EDIL3: variants seen among roughly 807,000 people sequenced by gnomAD.
EDIL3 encodes the protein EGF-like repeat and discoidin I-like domain-containing protein 3.
In EDIL3, 37 loss-of-function variants were observed where a neutral mutation model predicts 67.4. The ratio of observed to expected loss-of-function variants is 0.55; its 90% CI spans 0.42 to 0.72. The LOEUF (loss-of-function observed/expected upper bound fraction) is 0.72. Among genes scored for constraint, EDIL3 ranks in the 30% least tolerant of loss-of-function variants. The pLI, the probability that EDIL3 is intolerant of heterozygous loss-of-function variation, is 0.00. For missense variants in EDIL3, 527 were observed against 586.3 expected, an observed-to-expected ratio of 0.90 and a Z score of 1.04; for synonymous variants, 195 against 196.3, an observed-to-expected ratio of 0.99 and a Z score of 0.05.
intron 3 of EDIL3, among the ~76,000 whole-genome samples, chr5:84,206,210 T>C (rs1407510152): frequency 6.6e-6 from 1 of 152,178 alleles, no homozygotes; most frequent in Admixed American, 6.6e-5. Context: ...AGTTTCCATG[T>C]AGTTGAGTGG....
intron 1 of EDIL3, among the ~76,000 whole-genome samples, chr5:84,275,989 T>C (rs571983014): frequency 6.6e-6 from 1 of 152,354 alleles, no homozygotes; most frequent in South Asian, 2.1e-4. Flanking sequence ...GGAGATTTTC[T>C]AGTTTACATT....
intron 6 of EDIL3, 129 bp downstream of exon 6, chr5:84,106,520 C>T (rs1219414211): frequency 1.2e-5 from 14 of 1,144,782 alleles, no homozygotes; most frequent in Non-Finnish European, 1.6e-5. Context: ...TTGAACTCTT[C>T]ACTAAATTAC....
At chr5:84,179,472 G>A (rs1748977967) in intron 4 of EDIL3, among the ~76,000 whole-genome samples, 1 of 152,192 alleles carries the variant, frequency 6.6e-6, no homozygotes, top group African/African-American at 2.4e-5. Context: ...CTCCAGAAAA[G>A]TACAAGATGC....
At chr5:84,008,953 C>T (rs1353056691) in intron 9 of EDIL3, among the ~76,000 whole-genome samples, 1 of 152,142 alleles carries the variant, frequency 6.6e-6, no homozygotes, top group Non-Finnish European at 1.5e-5. Flanking sequence ...GCTGGGATTA[C>T]AGGTATGCAC....
intron 4 of EDIL3, among the ~76,000 whole-genome samples, chr5:84,175,731 ATGGT>A (rs1265337832): frequency 6.6e-6 from 1 of 152,152 alleles, no homozygotes; most frequent in Non-Finnish European, 1.5e-5. Flanking sequence ...CCCTCACAGC[ATGGT>A]TCCTCCAGTA....
intron 3 of EDIL3, among the ~76,000 whole-genome samples, chr5:84,224,148 A>G (rs1031683751): frequency 2.0e-5 from 3 of 151,608 alleles, no homozygotes; most frequent in African/African-American, 7.2e-5. Context: ...GTTCATTTTA[A>G]CCAGCGACTT....
intron 1 of EDIL3, among the ~76,000 whole-genome samples, chr5:84,363,906 AT>A (rs1235782614): frequency 3.9e-5 from 6 of 152,190 alleles, no homozygotes; most frequent in African/African-American, 1.4e-4. Context: ...CATTGTTCAT[AT>A]TTTGATCATC....
intron 9 of EDIL3, among the ~76,000 whole-genome samples, chr5:83,970,279 T>C (rs996879014): frequency 7.1e-6 from 1 of 140,252 alleles, no homozygotes; most frequent in Admixed American, 7.3e-5. Flanking sequence ...TATATATATA[T>C]ATAGTCTCTT....
intron 4 of EDIL3, among the ~76,000 whole-genome samples, chr5:84,151,753 C>T (rs1391924658): frequency 6.6e-6 from 1 of 152,070 alleles, no homozygotes; most frequent in Non-Finnish European, 1.5e-5. Flanking sequence ...GCTATACCTT[C>T]CCTAACTGTT....
At chr5:84,363,954 T>C (rs946676656) in intron 1 of EDIL3, among the ~76,000 whole-genome samples, 2 of 152,098 alleles carry the variant, frequency 1.3e-5, no homozygotes, top group Admixed American at 1.3e-4. Context: ...ATATATCAGG[T>C]TTGTCATCAA....
intron 4 of EDIL3, 25 bp from the exon 5 acceptor site, chr5:84,137,379 G>A: frequency 6.3e-7 from 1 of 1,583,638 alleles, no homozygotes; most frequent in Non-Finnish European, 8.6e-7. Context: ...AAGGACAGAG[G>A]AAGAGAATTA....
chr5:84,181,295 C>G (rs1749008046), intron 3 of EDIL3: 1 of 152,184 alleles, frequency 6.6e-6, no homozygotes, highest in African/African-American at 2.4e-5. Context: ...GTGTGGTTAG[C>G]TGACAACATT....
At chr5:84,202,114 T>C (rs2112379158) in intron 3 of EDIL3, among the ~76,000 whole-genome samples, 1 of 152,286 alleles carries the variant, frequency 6.6e-6, no homozygotes, top group South Asian at 2.1e-4. Context: ...TATAAGTGTC[T>C]ATGTGAATTT....
At chr5:84,138,822 A>G (rs1048184534) in intron 4 of EDIL3, among the ~76,000 whole-genome samples, 1 of 152,204 alleles carries the variant, frequency 6.6e-6, no homozygotes, top group Non-Finnish European at 1.5e-5. Context: ...TAGCTTAAGA[A>G]CAGAGATAAT....
intron 9 of EDIL3, among the ~76,000 whole-genome samples, chr5:83,972,722 A>T (rs1744814834): frequency 6.6e-6 from 1 of 152,130 alleles, no homozygotes; most frequent in Non-Finnish European, 1.5e-5. Flanking sequence ...TGAGTTTAAA[A>T]GATAAAAACA....
intron 9 of EDIL3, among the ~76,000 whole-genome samples, chr5:84,052,813 T>A (rs1463307373): frequency 6.6e-6 from 1 of 152,110 alleles, no homozygotes; most frequent in Non-Finnish European, 1.5e-5. Context: ...ATAAAGCAAG[T>A]CCTTAGGACC....
chr5:84,188,705 T>C (rs556386347), intron 3 of EDIL3, among the ~76,000 whole-genome samples: 1 of 152,098 alleles, frequency 6.6e-6, no homozygotes, highest in South Asian at 2.1e-4. Flanking sequence ...CTGGTGTCCT[T>C]ATAGGAATAG....
chr5:83,998,831 G>A (rs1371903964), intron 9 of EDIL3, among the ~76,000 whole-genome samples: 1 of 152,180 alleles, frequency 6.6e-6, no homozygotes, highest in Admixed American at 6.5e-5. Context: ...GCAAGACCTG[G>A]CACTGAGTAC....
chr5:84,157,919 T>C (rs1725999159), intron 4 of EDIL3, among the ~76,000 whole-genome samples: 1 of 152,102 alleles, frequency 6.6e-6, no homozygotes, highest in Admixed American at 6.6e-5. Flanking sequence ...ACTGCCTATT[T>C]GGGTGCCAAT....
Sources: allele counts gnomAD v4.1 joint callset (sites outside exome capture counted in the v4.1 genomes callset), GRCh38; gene constraint gnomAD v4.1.1; transcripts MANE v1.5; gene names NCBI Gene and HGNC (gene_info 2026-07-23, HGNC 2026-07-21).